KIAA1549: variants seen among roughly 807,000 people sequenced by gnomAD.
KIAA1549 encodes the protein KIAA1549.
Under a neutral mutation model 156.4 loss-of-function variants are expected in KIAA1549, and 70 were observed. The observed-to-expected ratio is 0.45, with a 90% CI of 0.37 to 0.55. The LOEUF (loss-of-function observed/expected upper bound fraction) is 0.55, where lower values mean the gene tolerates loss of function less well. KIAA1549 is among the 20% of genes least tolerant of loss of function. The pLI, the probability that KIAA1549 is intolerant of heterozygous loss-of-function variation, is 0.00. For synonymous variants in KIAA1549, 1,103 were observed against 1,066.4 expected (o/e 1.03, Z -0.67); for missense variants, 2,428 against 2,540.9 (o/e 0.96, Z 0.96).
At chr7:138,890,248 T>C (rs1345462059) in intron 10 of KIAA1549, among the ~76,000 whole-genome samples, 1 of 152,122 alleles carries the variant, frequency 6.6e-6, no homozygotes, top group African/African-American at 2.4e-5. Context: ...ATAAATACAG[T>C]ACAGCCCAGG....
At chr7:138,867,931 G>C in intron 15 of KIAA1549, 44 bp downstream of exon 15, 2 of 1,601,872 alleles carry the variant, frequency 1.2e-6, no homozygotes, top group Non-Finnish European at 1.7e-6. Flanking sequence ...CTTTCTAGGA[G>C]CCGCCCCACC....
chr7:138,903,852 T>TGTGCGCGC (rs1299779818), intron 7 of KIAA1549, 116 bp from the exon 8 acceptor site: 2 of 287,500 alleles, frequency 7.0e-6, no homozygotes, highest in Admixed American at 1.6e-4. Flanking sequence ...TGTGTGTGTG[T>TGTGCGCGC]GCGCGCGCGC....
At chr7:138,913,135 A>G (rs1313246103) in intron 2 of KIAA1549, among the ~76,000 whole-genome samples, 4 of 152,060 alleles carry the variant, frequency 2.6e-5, no homozygotes, top group South Asian at 2.1e-4. Flanking sequence ...CAGCCTCCCA[A>G]AGTGCTGGGA....
At chr7:138,974,494 G>A (rs983377559) in intron 1 of KIAA1549, among the ~76,000 whole-genome samples, 3 of 152,174 alleles carry the variant, frequency 2.0e-5, no homozygotes, top group East Asian at 1.9e-4. Context: ...GTGCAGTGGC[G>A]CGATCTCAGC....
In KIAA1549 at chr7:138,919,086, G is replaced by C; in HGVS notation, c.540C>G (p.Val180=). 1 of 1,614,010 alleles carries C rather than the reference G, an allele frequency of 6.2e-7. No homozygotes were observed. Among genetic ancestry groups the C allele is most frequent in the South Asian group, 1.1e-5 (1 of 91,074 alleles). ...RMVSPIQYIT[V]SPPGLPREAL... The stretch of plus-strand genomic sequence containing the variant: ...CTTCCCTGGGCAGCCCTGGTGGGCT[G>C]ACTGTGATATACTGTATTGGAGAAA... The change falls in exon 2 of 20, where the codon GTC becomes GTG. Residue 180 remains valine (V), a synonymous_variant. Coordinates refer to ENST00000422774, the MANE Select transcript of KIAA1549 (RefSeq NM_001164665.2).
At chr7:138,937,882 T>C (rs1813064010) in intron 1 of KIAA1549, among the ~76,000 whole-genome samples, 1 of 152,132 alleles carries the variant, frequency 6.6e-6, no homozygotes, top group Non-Finnish European at 1.5e-5. Context: ...AATGACACCA[T>C]CAAGGAAGGT....
intron 1 of KIAA1549, among the ~76,000 whole-genome samples, chr7:138,973,578 C>T (rs1814284211): frequency 6.6e-6 from 1 of 152,214 alleles, no homozygotes. Context: ...TGTCTACTAA[C>T]TCTCCATGCT....
chr7:138,871,725 CT>C (rs139005965), intron 12 of KIAA1549, among the ~76,000 whole-genome samples: 1 of 152,336 alleles, frequency 6.6e-6, no homozygotes, highest in African/African-American at 2.4e-5. Flanking sequence ...TCACAGAACT[CT>C]CAGAAAACAC....
chr7:138,866,109 A>G (rs1340381238), intron 15 of KIAA1549, among the ~76,000 whole-genome samples: 1 of 152,172 alleles, frequency 6.6e-6, no homozygotes, highest in African/African-American at 2.4e-5. Context: ...CATGCACCAC[A>G]TTTAGAAAGT....
intron 1 of KIAA1549, among the ~76,000 whole-genome samples, chr7:138,937,449 G>C (rs1813049274): frequency 6.6e-6 from 1 of 152,210 alleles, no homozygotes; most frequent in Non-Finnish European, 1.5e-5. Context: ...TGTGAGCTAA[G>C]TGCAGGGTGT....
intron 3 of KIAA1549, 45 bp from the exon 4 acceptor site, chr7:138,911,368 T>C (rs1812167205): frequency 2.1e-6 from 3 of 1,399,132 alleles, no homozygotes; most frequent in African/African-American, 1.5e-5. Flanking sequence ...TTAAAGGAAG[T>C]TGTGTTACAC....
chr7:138,960,336 G>T (rs1455828308), intron 1 of KIAA1549, among the ~76,000 whole-genome samples: 1 of 150,288 alleles, frequency 6.7e-6, no homozygotes, highest in East Asian at 1.9e-4. Context: ...TTGAGATGGT[G>T]TCTCACTCTA....
In KIAA1549 at chr7:138,918,407, G is replaced by C; in HGVS notation, c.1219C>G (p.His407Asp). 6.2e-7 allele frequency: 1 copy of C among 1,614,022 alleles called. No individual in the cohort carries two copies. The highest frequency in any genetic ancestry group is 8.5e-7 in the Non-Finnish European group (1 of 1,179,894). Residue 407 changes from histidine to aspartate, a missense_variant, in exon 2 of 20, where the codon CAT (histidine) becomes GAT (aspartate). Physicochemically the swap from His to Asp is moderately conservative, Grantham distance 81. Transcript: ENST00000422774. This position sits in a 1 kb window ranked among gnomAD's most constrained non-coding sequence, Gnocchi z 4.2. ...AATGAGGACACCGGGCTCAGGATAT[G>C]AGTGTTGTCCACAGGACCGGGGAGG... is the stretch of plus-strand genomic sequence containing the variant. ...SALPGPVDNT[H>D]ILSPVSSFRP...
intron 8 of KIAA1549, among the ~76,000 whole-genome samples, 170 bp downstream of exon 8, chr7:138,903,418 A>G (rs1301525121): frequency 6.6e-6 from 1 of 152,220 alleles, no homozygotes; most frequent in Non-Finnish European, 1.5e-5. Flanking sequence ...TGAACTGAAA[A>G]GCTGCCAGAT....
At chr7:138,885,159 T>C (rs190492564) in intron 10 of KIAA1549, among the ~76,000 whole-genome samples, 1 of 152,322 alleles carries the variant, frequency 6.6e-6, no homozygotes, top group African/African-American at 2.4e-5. Context: ...CGAACCGTTG[T>C]ACTCCAGCCT....
At chr7:138,966,859 G>A (rs75402879) in intron 1 of KIAA1549, among the ~76,000 whole-genome samples, 399 of 152,248 alleles carry the variant, frequency 2.6e-3, no homozygotes, top group African/African-American at 9.0e-3. Context: ...TTTGGAGGAA[G>A]CACAGTGCTG....
chr7:138,959,427 G>C lies in KIAA1549; in HGVS notation c.187+21656C>G, dbSNP rs185310729. Among the ~76,000 whole-genome samples the C allele has an allele frequency of 2.0e-5, 3 of 152,282 alleles. No individual in the cohort carries two copies. In the East Asian group the frequency reaches 5.8e-4, roughly 29 times the overall value. ...ACGGGGCTCCCATCATTAGGAAAAG[G>C]GAGTGGGGGCTTATGGCAGAGAGGC... On this transcript the variant is annotated intron_variant, in intron 1 of 19. Transcript: ENST00000422774.
intron 1 of KIAA1549, among the ~76,000 whole-genome samples, chr7:138,960,270 T>C (rs533279356): frequency 2.0e-4 from 31 of 151,328 alleles, no homozygotes; most frequent in African/African-American, 7.1e-4. Context: ...ACCTCATCTC[T>C]ACAAAAATAA....
At chr7:138,877,102 G>A (rs1811107359) in intron 12 of KIAA1549, among the ~76,000 whole-genome samples, 1 of 152,040 alleles carries the variant, frequency 6.6e-6, no homozygotes, top group Non-Finnish European at 1.5e-5. Flanking sequence ...CATGGAAGAG[G>A]GCTCCATAAT....
Sources: gnomAD v4.1 joint callset for allele counts (sites outside exome capture counted in the v4.1 genomes callset) on GRCh38, gnomAD v4.1.1 for gene constraint, Gnocchi (gnomAD v3.1) non-coding constraint, MANE v1.5 for transcripts, NCBI Gene and HGNC (gene_info 2026-07-23, HGNC 2026-07-21) for gene names.